Variants in CT45A10 observed in about 807,000 individuals in gnomAD.
The protein encoded by CT45A10 is cancer/testis antigen family 45 member A10.
CT45A10 carries 19 observed loss-of-function variants against 8.3 expected under a neutral mutation model. The observed-to-expected ratio is 2.30, with a 90% CI of 1.61 to 3.38. The LOEUF (loss-of-function observed/expected upper bound fraction) is 3.38, where lower values mean the gene tolerates loss of function less well. CT45A10 is among the 30% of genes most tolerant of loss of function. The pLI is 0.00. For missense variants in CT45A10, 149 were observed against 85.9 expected, an observed-to-expected ratio of 1.73 and a Z score of -2.90; for synonymous variants, 28 against 26.5, an observed-to-expected ratio of 1.06 and a Z score of -0.17.
In CT45A10 at chrX:135,883,140, C is replaced by T. The variant is rs1212562976; in HGVS notation, c.286G>A (p.Gly96Arg). 8.4e-6 allele frequency: 10 copies of T among 1,197,231 alleles called. 1 individual carries two copies. The highest frequency in any genetic ancestry group is 1.1e-5 in the Non-Finnish European group (10 of 885,707). ...QKPGSNAPVG[G>R]NVTSNFSGDD... is the part of the protein sequence containing the mutation. Reference sequence around the variant, plus strand: ...CCAGAGAAATTGCTGGTAACGTTTCCTCCCACAGGTGCATTGCTACCAGGT... The same window carrying T: ...CCAGAGAAATTGCTGGTAACGTTTCTTCCCACAGGTGCATTGCTACCAGGT... The change falls in exon 3 of 5, where the codon GGA becomes AGA. Residue 96 changes from glycine (G) to arginine (R), a missense_variant. Gly to Arg is a moderately radical substitution (Grantham distance 125). Transcript: ENST00000682849.
intron 4 of CT45A10, among the ~76,000 whole-genome samples, chrX:135,881,898 T>C (rs1486561415): frequency 2.4e-4 from 7 of 29,629 alleles, no homozygotes; most frequent in African/African-American, 6.8e-4. Flanking sequence ...CTCACTTATT[T>C]TTGGGAGTAA....
At chrX:135,891,464 A>G (rs1211779977) in intron 1 of CT45A10, among the ~76,000 whole-genome samples, 5 of 108,758 alleles carry the variant, frequency 4.6e-5, no homozygotes, top group African/African-American at 1.7e-4. Flanking sequence ...TGGAATCCAG[A>G]GTATATCCAG....
In CT45A10 at chrX:135,883,100, C is replaced by T; in HGVS notation, c.326G>A (p.Cys109Tyr). Reference sequence around the variant, plus strand: ...TTTGGGAGAGGAGGCTATTCCTCTGCATTCTAGGTCATCTCCAGAGAAATT... The same window carrying T: ...TTTGGGAGAGGAGGCTATTCCTCTGTATTCTAGGTCATCTCCAGAGAAATT... ...TSNFSGDDLE[C>Y]RGIASSPKSQ... Residue 109 changes from cysteine (C) to tyrosine (Y), a missense_variant, in exon 3 of 5, where the codon TGC (cysteine) becomes TAC (tyrosine). Coordinates refer to ENST00000682849, the MANE Select transcript of CT45A10 (RefSeq NM_001291529.2). 8.3e-7 allele frequency: 1 copy of T among 1,198,811 alleles called. No homozygotes were observed.
At chrX:135,883,708 G>C (rs1293102531) in intron 2 of CT45A10, among the ~76,000 whole-genome samples, 2 of 72,893 alleles carry the variant, frequency 2.7e-5, no homozygotes, top group African/African-American at 1.0e-4. Flanking sequence ...ATGCTTTACT[G>C]AGCTGGAACC....
chrX:135,889,437 C>G (rs1407846896), intron 1 of CT45A10, among the ~76,000 whole-genome samples: 1 of 106,762 alleles, frequency 9.4e-6, no homozygotes, highest in African/African-American at 3.4e-5. Flanking sequence ...CAAGATCGTG[C>G]CAGTGCACTC....
At position 135,889,562 on chromosome X, in the gene CT45A10, C is replaced by G. The variant is rs1357189365; in HGVS notation, c.-7+3783G>C. On this transcript the variant is annotated intron_variant, in intron 1 of 4. Coordinates refer to ENST00000682849, the MANE Select transcript of CT45A10 (RefSeq NM_001291529.2). Reference sequence around the variant, plus strand: ...ATTTGAGGGGGTTGTTTTTTAAAGTCAACCCCGACCGGGCGCAGTGGCTCA... The same window carrying G: ...ATTTGAGGGGGTTGTTTTTTAAAGTGAACCCCGACCGGGCGCAGTGGCTCA... Among the ~76,000 whole-genome samples, 3 of 110,854 alleles carry G rather than the reference C, an allele frequency of 2.7e-5. No individual in the cohort carries two copies. The East Asian group carries it at 8.5e-4, about 32-fold the overall frequency.
chrX:135,889,617 G>A (rs1246669891), intron 1 of CT45A10, among the ~76,000 whole-genome samples: 5 of 111,314 alleles, frequency 4.5e-5, no homozygotes, highest in Non-Finnish European at 7.5e-5. Context: ...TTGGGAGGCC[G>A]AAGTGTCTGG....
intron 3 of CT45A10, 86 bp downstream of exon 3, chrX:135,882,922 C>A: frequency 1.8e-6 from 2 of 1,096,586 alleles, no homozygotes; most frequent in South Asian, 2.1e-5. Context: ...AAGAATGAGC[C>A]TCAAGAGGTA....
At position 135,883,393 on chromosome X, in the gene CT45A10, C is replaced by A. The variant is rs1276628210; in HGVS notation, c.170-137G>T. ...CTGTGAGATACGTGTGTTTCATCAC[C>A]CCTCTGGGTACATCTATGTGCTCCT... is the stretch of plus-strand genomic sequence containing the variant. On this transcript the variant is annotated intron_variant, in intron 2 of 4. Transcript: ENST00000682849. The A allele has an allele frequency of 2.8e-6, 3 of 1,071,211 alleles. No homozygotes were observed. In the African/African-American group the frequency reaches 5.6e-5, roughly 20 times the overall value. 88.3% of individuals were successfully genotyped at this position (1,071,211 alleles called of 1,213,427 possible). A position where few individuals can be genotyped will look rare whatever the true frequency, so the allele number is the denominator to read the frequency against.
At chrX:135,889,541 G>C (rs2088478559) in intron 1 of CT45A10, among the ~76,000 whole-genome samples, 1 of 110,901 alleles carries the variant, frequency 9.0e-6, no homozygotes, top group Non-Finnish European at 1.9e-5. Context: ...ATTTTCATTT[G>C]AGGGGGTTGT....
chrX:135,882,782 C>T (rs1306860430), intron 3 of CT45A10, among the ~76,000 whole-genome samples, 153 bp from the exon 4 acceptor site: 1 of 99,813 alleles, frequency 1.0e-5, no homozygotes, highest in Non-Finnish European at 2.0e-5. Flanking sequence ...ATAAAAAAGA[C>T]ACCTGCACAT....
chrX:135,882,923 T>G, intron 3 of CT45A10, 85 bp downstream of exon 3: 2 of 1,102,850 alleles, frequency 1.8e-6, no homozygotes, highest in South Asian at 4.2e-5. Flanking sequence ...AGAATGAGCC[T>G]CAAGAGGTAA....
At chrX:135,891,042 A>G (rs1234505849) in intron 1 of CT45A10, among the ~76,000 whole-genome samples, 1 of 111,843 alleles carries the variant, frequency 8.9e-6, no homozygotes, top group East Asian at 2.8e-4. Context: ...TTGTGGAAAG[A>G]CTAGTGCTTT....
rs1232159989 is a variant in CT45A10, at chrX:135,883,222, T to C, written c.204A>G (p.Gln68=). The C allele has an allele frequency of 6.4e-5, 76 of 1,195,665 alleles. 1 individual carries two copies. Among genetic ancestry groups the C allele is most frequent in the Non-Finnish European group, 7.2e-5 (64 of 885,531 alleles). Residue 68 remains glutamine (Q), a synonymous_variant, in exon 3 of 5, where the codon CAA becomes CAG. Coordinates refer to ENST00000682849, the MANE Select transcript of CT45A10 (RefSeq NM_001291529.2). ...LMTGHAIPPS[Q]LDSQIDDFTG... Reference sequence around the variant, plus strand: ...TGAAGTCATCAATCTGAGAATCCAATTGGCTGGGTGGAATAGCATGTCCTG... The same window carrying C: ...TGAAGTCATCAATCTGAGAATCCAACTGGCTGGGTGGAATAGCATGTCCTG...
chrX:135,890,624 A>G (rs1383488193), intron 1 of CT45A10, among the ~76,000 whole-genome samples: 1 of 111,664 alleles, frequency 9.0e-6, no homozygotes, highest in African/African-American at 3.3e-5. Context: ...ACTTGACTTG[A>G]ATTGCTTGAT....
At chrX:135,890,949 C>T in intron 1 of CT45A10, among the ~76,000 whole-genome samples, 1 of 111,552 alleles carries the variant, frequency 9.0e-6, no homozygotes, top group Middle Eastern at 4.7e-3. Flanking sequence ...GGTAAATACA[C>T]CAAGGGCAGA....
chrX:135,890,178 C>G (rs2088487487), intron 1 of CT45A10, among the ~76,000 whole-genome samples: 1 of 112,445 alleles, frequency 8.9e-6, no homozygotes, highest in South Asian at 3.6e-4. Flanking sequence ...CCACTTCCTT[C>G]TTTAATCCAG....
At chrX:135,892,059 G>A (rs1001845807) in intron 1 of CT45A10, among the ~76,000 whole-genome samples, 59 of 107,493 alleles carry the variant, frequency 5.5e-4, no homozygotes, top group Non-Finnish European at 1.1e-4. Context: ...AGTGGCTCAC[G>A]CCTGTAATCC....
intron 1 of CT45A10, among the ~76,000 whole-genome samples, chrX:135,891,739 A>G (rs1556590118): frequency 9.0e-6 from 1 of 111,140 alleles, no homozygotes; most frequent in African/African-American, 3.3e-5. Context: ...AACAAGACTG[A>G]TTAATAAGAT....
Sources: gnomAD v4.1 joint callset for allele counts (sites outside exome capture counted in the v4.1 genomes callset) on GRCh38, gnomAD v4.1.1 for gene constraint, MANE v1.5 for transcripts, NCBI Gene and HGNC (gene_info 2026-07-23, HGNC 2026-07-21) for gene names.